PDE5A: variants seen among roughly 807,000 people sequenced by gnomAD.
The protein encoded by PDE5A is cGMP-specific 3',5'-cyclic phosphodiesterase.
Under a neutral mutation model 110.2 loss-of-function variants are expected in PDE5A, and 67 were observed. The ratio of observed to expected loss-of-function variants is 0.61; its 90% CI spans 0.50 to 0.75. The LOEUF (loss-of-function observed/expected upper bound fraction) is 0.75, where lower values mean the gene tolerates loss of function less well. PDE5A is among the 30% of genes least tolerant of loss of function. PDE5A has a pLI of 0.00. For synonymous variants in PDE5A, 328 were observed against 351.2 expected, an observed-to-expected ratio of 0.93 and a Z score of 0.74; for missense variants, 862 against 1,045.1, an observed-to-expected ratio of 0.82 and a Z score of 2.42.
intron 1 of PDE5A, among the ~76,000 whole-genome samples, chr4:119,608,285 T>TATA (rs921804125): frequency 6.6e-6 from 1 of 152,224 alleles, no homozygotes; most frequent in Non-Finnish European, 1.5e-5. Flanking sequence ...ATGTTTTTAA[T>TATA]GTACCCTACT....
rs141335076 is a variant in PDE5A at position 119,531,302 on chromosome 4, G to A, written c.1633-5607C>T. On this transcript the variant is annotated intron_variant, in intron 11 of 20. Transcript: ENST00000354960. The stretch of plus-strand genomic sequence containing the variant: ...TCTTTTTTTTCTTTTTTCTTGAGAC[G>A]GAGTCTCACTCTGTCATCCAGACTG... 8.2e-3 allele frequency among the ~76,000 whole-genome samples: 1,238 copies of A among 151,390 alleles called. 12 individuals carry two copies. The highest frequency in any genetic ancestry group is 0.029 in the African/African-American group (1,180 of 41,250).
chr4:119,511,438 A>G (rs908239357), intron 14 of PDE5A, among the ~76,000 whole-genome samples: 6 of 152,122 alleles, frequency 3.9e-5, no homozygotes, highest in Non-Finnish European at 5.9e-5. Context: ...ACCTCCAAAC[A>G]TGGAAAAAAA....
intron 3 of PDE5A, among the ~76,000 whole-genome samples, chr4:119,575,323 G>A (rs1322933992): frequency 1.3e-5 from 2 of 152,088 alleles, no homozygotes; most frequent in Non-Finnish European, 2.9e-5. Context: ...TCAAATTCAG[G>A]AAATACAGAG....
At chr4:119,621,514 G>A (rs1014619568) in intron 1 of PDE5A, among the ~76,000 whole-genome samples, 1 of 151,950 alleles carries the variant, frequency 6.6e-6, no homozygotes, top group African/African-American at 2.4e-5. Flanking sequence ...CACAGCACAG[G>A]GCCAAAAGAT....
At position 119,567,170 on chromosome 4, in the gene PDE5A, A is replaced by T. The variant is rs201164165; in HGVS notation, c.832-26T>A. 14 of 1,528,510 alleles carry T rather than the reference A, an allele frequency of 9.2e-6. No individual in the cohort carries two copies. The African/African-American group carries it at 1.9e-4, about 21-fold the overall frequency. The allele number at this position is 1,528,510 out of a possible 1,614,324, so 94.7% of individuals were successfully genotyped here. On this transcript the variant is annotated intron_variant, in intron 3 of 20. Coordinates refer to ENST00000354960, the MANE Select transcript of PDE5A (RefSeq NM_001083.4). ...CTGGTATAAGGAGAGAAAAGCGACA[A>T]TTTTTTTATTGACTGAAATTACTTG...
chr4:119,565,832 TATTATATAA>T (rs1727910193), intron 4 of PDE5A, among the ~76,000 whole-genome samples: 1 of 151,788 alleles, frequency 6.6e-6, no homozygotes, highest in African/African-American at 2.4e-5. Flanking sequence ...TAAAGTTAAA[TATTATATAA>T]AGTTGCAAAC....
At chr4:119,498,824 C>A in intron 20 of PDE5A, 86 bp from the exon 21 acceptor site, 1 of 1,398,786 alleles carries the variant, frequency 7.1e-7, no homozygotes, top group Non-Finnish European at 1.0e-6. Context: ...GGCCACATCC[C>A]ACACTCATTT....
At chr4:119,502,502 C>A in intron 19 of PDE5A, 79 bp downstream of exon 19, 9 of 779,410 alleles carry the variant, frequency 1.2e-5, no homozygotes, top group South Asian at 4.9e-5. Context: ...AGGAAAGATC[C>A]CATAGAGCCA....
chr4:119,512,183 G>A (rs1319263988), intron 14 of PDE5A, among the ~76,000 whole-genome samples: 1 of 152,142 alleles, frequency 6.6e-6, no homozygotes, highest in Non-Finnish European at 1.5e-5. Flanking sequence ...TGGGTAAAGT[G>A]AGAGAAATCT....
At chr4:119,574,024 T>C (rs2110514672) in intron 3 of PDE5A, among the ~76,000 whole-genome samples, 1 of 152,232 alleles carries the variant, frequency 6.6e-6, no homozygotes, top group Non-Finnish European at 1.5e-5. Flanking sequence ...TTCATTCCCA[T>C]TTTATCACAG....
chr4:119,521,388 T>TA (rs772585127), intron 12 of PDE5A, among the ~76,000 whole-genome samples: 1 of 151,098 alleles, frequency 6.6e-6, no homozygotes, highest in Admixed American at 6.6e-5. Flanking sequence ...TTTTTTTTAA[T>TA]AAAAGGTCCA....
At chr4:119,541,152 A>C (rs1726912566) in intron 10 of PDE5A, among the ~76,000 whole-genome samples, 1 of 152,022 alleles carries the variant, frequency 6.6e-6, no homozygotes, top group South Asian at 2.1e-4. Context: ...TGAGTATGTG[A>C]GGGCTTATTA....
intron 10 of PDE5A, among the ~76,000 whole-genome samples, chr4:119,540,098 T>C (rs1726873711): frequency 6.6e-6 from 1 of 152,100 alleles, no homozygotes; most frequent in African/African-American, 2.4e-5. Flanking sequence ...GTATTTAAAG[T>C]ATCTATCATG....
chr4:119,608,979 T>C (rs1014792624), intron 1 of PDE5A, among the ~76,000 whole-genome samples: 3 of 151,866 alleles, frequency 2.0e-5, no homozygotes, highest in Non-Finnish European at 2.9e-5. Context: ...GGCTACATGG[T>C]GAAACCCCGT....
chr4:119,528,263 CA>C (rs1032977374), intron 11 of PDE5A, among the ~76,000 whole-genome samples: 3 of 151,730 alleles, frequency 2.0e-5, no homozygotes, highest in Non-Finnish European at 2.9e-5. Flanking sequence ...ACCATTCTTG[CA>C]AAAATTAAAA....
intron 1 of PDE5A, among the ~76,000 whole-genome samples, chr4:119,622,655 C>T (rs1402342644): frequency 6.6e-6 from 1 of 151,936 alleles, no homozygotes; most frequent in Non-Finnish European, 1.5e-5. Flanking sequence ...GGGTGGACCA[C>T]GAGGTCAGGA....
chr4:119,552,771 C>T, intron 8 of PDE5A, 134 bp from the exon 9 acceptor site: 1 of 448,922 alleles, frequency 2.2e-6, no homozygotes, highest in Non-Finnish European at 4.0e-6. Context: ...CATTGGAAAG[C>T]AGAAAATGTA....
At position 119,507,614 on chromosome 4, in the gene PDE5A, G is replaced by A; in HGVS notation, c.2179C>T (p.Leu727=). 6.4e-7 allele frequency: 1 copy of A among 1,572,136 alleles called. No homozygotes were observed. The highest frequency in any genetic ancestry group is 8.6e-7 in the Non-Finnish European group (1 of 1,157,906). Residue 727 remains leucine, a synonymous_variant, in exon 16 of 21, where the codon CTG becomes TTG. Transcript: ENST00000354960. ...TTTCTTAAAACTTACTTAATGTACAGTGCTAGGTCTGTAGCTAAAATAGCT... is the reference window on the plus strand; with the variant it reads ...TTTCTTAAAACTTACTTAATGTACAATGCTAGGTCTGTAGCTAAAATAGCT... The part of the protein sequence containing the change: ...KQAILATDLA[L]YIKRRGEFFE...
In PDE5A at chr4:119,553,651, CT is replaced by C; in HGVS notation, c.1294del (p.Arg432AspfsTer12). On this transcript the variant is annotated frameshift_variant, in exon 8 of 21. Transcript: ENST00000354960. LOFTEE classifies it high-confidence loss of function. ...LNIPDVSKDK[R>X]FPWTTENTGN... is the part of the protein sequence containing the mutation. ...TGGGTTACTTACTGTCCAGGGAAAT[CT>C]TTTATCCTTACTGACATCTGGGATA... 6.4e-7 allele frequency: 1 copy of C among 1,557,294 alleles called. No homozygotes were observed. The highest frequency in any genetic ancestry group is 1.4e-5 in the African/African-American group (1 of 73,928).
Sources: gnomAD v4.1 joint callset for allele counts (sites outside exome capture counted in the v4.1 genomes callset) on GRCh38, gnomAD v4.1.1 for gene constraint, MANE v1.5 for transcripts, NCBI Gene and HGNC (gene_info 2026-07-23, HGNC 2026-07-21) for gene names.